The following PDE1C variants were observed in gnomAD, a reference collection of about 807,000 sequenced individuals.
PDE1C encodes phosphodiesterase 1C, also known as dual specificity calcium/calmodulin-dependent 3',5'-cyclic nucleotide phosphodiesterase 1C.
A neutral mutation model predicts 93.1 loss-of-function variants in PDE1C; 62 were observed. The observed-to-expected ratio is 0.67, with a 90% CI of 0.54 to 0.82. PDE1C has a LOEUF of 0.82. Among genes scored for constraint, PDE1C ranks in the 40% least tolerant of loss-of-function variants. PDE1C has a pLI of 0.00. For missense variants in PDE1C, 742 were observed against 884.6 expected, an observed-to-expected ratio of 0.84 and a Z score of 2.04; for synonymous variants, 325 against 310.1, an observed-to-expected ratio of 1.05 and a Z score of -0.50.
chr7:32,129,211 A>G (rs1799780958), intron 3 of PDE1C, among the ~76,000 whole-genome samples: 1 of 151,542 alleles, frequency 6.6e-6, no homozygotes. Flanking sequence ...TAAAAAAAAG[A>G]AAAAATGGTA....
intron 1 of PDE1C, among the ~76,000 whole-genome samples, chr7:32,422,179 CTCGTG>C (rs1337537056): frequency 3.2e-4 from 48 of 152,266 alleles, no homozygotes; most frequent in Middle Eastern, 3.4e-3. Context: ...GAGAAGGCTG[CTCGTG>C]TCTATTTAGA....
chr7:32,005,463 G>A (rs1166275557), intron 2 of PDE1C, among the ~76,000 whole-genome samples: 2 of 150,288 alleles, frequency 1.3e-5, no homozygotes, highest in Non-Finnish European at 2.9e-5. Flanking sequence ...GGCTGAGGCA[G>A]GAGAATGGTG....
the PDE1C span, among the ~76,000 whole-genome samples, chr7:31,637,147 T>C: frequency 1.3e-5 from 2 of 151,958 alleles, no homozygotes; most frequent in Non-Finnish European, 2.9e-5. Context: ...TGTTGGACAT[T>C]TGGGTTGGTT....
intron 1 of PDE1C, among the ~76,000 whole-genome samples, chr7:32,252,646 A>T (rs900557137): frequency 6.6e-6 from 1 of 152,152 alleles, no homozygotes; most frequent in Admixed American, 6.5e-5. Flanking sequence ...AGCACAGAGG[A>T]GGGTGGGAGA....
chr7:32,024,540 ACTCT>A (rs1789150901), intron 2 of PDE1C, among the ~76,000 whole-genome samples: 1 of 151,882 alleles, frequency 6.6e-6, no homozygotes, highest in Non-Finnish European at 1.5e-5. Flanking sequence ...TTAATTCCTC[ACTCT>A]CTTACTCTTT....
chr7:31,998,890 C>T (rs1306102501), intron 2 of PDE1C, among the ~76,000 whole-genome samples: 1 of 152,168 alleles, frequency 6.6e-6, no homozygotes, highest in Non-Finnish European at 1.5e-5. Context: ...ACTCTCTATG[C>T]AAAATCCACT....
chr7:31,765,788 T>C (rs1795104983), intron 17 of PDE1C, among the ~76,000 whole-genome samples: 1 of 152,192 alleles, frequency 6.6e-6, no homozygotes, highest in Non-Finnish European at 1.5e-5. Context: ...GTGCTTGATA[T>C]TGGTACATGG....
At chr7:32,144,239 A>G (rs57302642) in intron 3 of PDE1C, among the ~76,000 whole-genome samples, 18,154 of 152,132 alleles carry the variant, frequency 0.12, 1,860 homozygotes, top group African/African-American at 0.28. Context: ...AAATGAAGCC[A>G]CCAAGACTTT....
chr7:31,882,991 G>T (rs534354877), intron 2 of PDE1C, among the ~76,000 whole-genome samples: 3 of 152,220 alleles, frequency 2.0e-5, no homozygotes, highest in South Asian at 4.1e-4. Flanking sequence ...TGTAATTTTT[G>T]ATTTCAAAGA....
At chr7:31,704,315 C>T in the PDE1C span, among the ~76,000 whole-genome samples, 8 of 152,178 alleles carry the variant, frequency 5.3e-5, no homozygotes, top group African/African-American at 1.9e-4. Flanking sequence ...ATGTAATGTG[C>T]ATGAACTATT....
At position 32,374,256 on chromosome 7, in the gene PDE1C, GAAGAAAGAAAGAAAGAAAGA is replaced by G. The variant is rs34264888; in HGVS notation, c.310+53546_310+53565del. On this transcript the variant is annotated intron_variant, in intron 1 of 1. Coordinates refer to the PDE1C transcript ENST00000672256. ...AAAGAAAGAAGGAAGGAAAGGAAAG[GAAGAAAGAAAGAAAGAAAGA>G]AAGAAAGAAAGAAAGAAAGAAAGAA... Among the ~76,000 whole-genome samples the G allele has an allele frequency of 7.6e-3, 857 of 113,336 alleles. 10 individuals carry two copies. The highest frequency in any genetic ancestry group is 0.026 in the African/African-American group (743 of 28,868). The allele number at this position is 113,336 out of a possible 152,430, so 74.4% of individuals were successfully genotyped here. A position where few individuals can be genotyped will look rare whatever the true frequency, so the allele number is the denominator to read the frequency against.
chr7:31,807,930 TA>T (rs3840587), intron 16 of PDE1C, among the ~76,000 whole-genome samples: 6,685 of 145,356 alleles, frequency 0.046, 161 homozygotes, highest in South Asian at 0.1. Context: ...AGCACATTGG[TA>T]AAAAAAAAAA....
chr7:32,374,312 A>AAGAAGAC (rs1413662573), intron 1 of PDE1C, among the ~76,000 whole-genome samples: 1 of 147,854 alleles, frequency 6.8e-6, no homozygotes, highest in Non-Finnish European at 1.5e-5. Flanking sequence ...AGAAAGAAGA[A>AAGAAGAC]AAGAAAAGAA....
chr7:31,889,160 A>T (rs989923772), intron 2 of PDE1C, among the ~76,000 whole-genome samples: 2 of 152,236 alleles, frequency 1.3e-5, no homozygotes, highest in African/African-American at 4.8e-5. Context: ...AAATTTACTT[A>T]GAAATGTGAA....
chr7:31,914,239 T>G (rs1801602879), intron 2 of PDE1C, among the ~76,000 whole-genome samples: 1 of 151,044 alleles, frequency 6.6e-6, no homozygotes, highest in African/African-American at 2.5e-5. Flanking sequence ...TTAATTAAAA[T>G]ATAGTTTACT....
At chr7:32,151,101 G>A (rs954201119) in intron 3 of PDE1C, among the ~76,000 whole-genome samples, 4 of 152,076 alleles carry the variant, frequency 2.6e-5, no homozygotes, top group South Asian at 2.1e-4. Context: ...CCAATAATCA[G>A]TATTTATTTC....
At chr7:31,620,727 T>C in the PDE1C span, among the ~76,000 whole-genome samples, 48 of 152,196 alleles carry the variant, frequency 3.2e-4, no homozygotes, top group Middle Eastern at 3.4e-3. Context: ...AGGAACGCAG[T>C]TCCTCACCAG....
chr7:32,128,906 AATATATATATATATATATATATAT>A (rs763801947), intron 3 of PDE1C, among the ~76,000 whole-genome samples: 1,334 of 56,028 alleles, frequency 0.024, 103 homozygotes, highest in African/African-American at 0.084. Flanking sequence ...AAGTATAACA[AATATATATATATATATATATATAT>A]ATATATATAT....
At position 31,843,248 on chromosome 7, in the gene PDE1C, C is replaced by CTTAGTGATA. The variant is rs1406108970; in HGVS notation, c.980+4711_980+4719dup. Among the ~76,000 whole-genome samples, 236 of 151,954 alleles carry CTTAGTGATA rather than the reference C, an allele frequency of 1.6e-3. 2 individuals carry two copies. The highest frequency in any genetic ancestry group is 5.2e-3 in the African/African-American group (216 of 41,534). On this transcript the variant is annotated intron_variant, in intron 9 of 17. Transcript: ENST00000396191. The stretch of plus-strand genomic sequence containing the variant: ...GATGTTGTTCAAATCCTCTTAGGTC[C>CTTAGTGATA]TTAGTGATATTTTTGTCCAGTTTGT...
Sources: allele counts gnomAD v4.1 joint callset (sites outside exome capture counted in the v4.1 genomes callset), GRCh38; gene constraint gnomAD v4.1.1; transcripts MANE v1.5; gene names NCBI Gene and HGNC (gene_info 2026-07-23, HGNC 2026-07-21).